The following PPM1L variants were observed in gnomAD, a reference collection of about 807,000 sequenced individuals.
PPM1L encodes the protein protein phosphatase 1L.
In PPM1L, 13 loss-of-function variants were observed where a neutral mutation model predicts 31.4. The observed-to-expected ratio is 0.41, with a 90% CI of 0.27 to 0.66. The LOEUF (loss-of-function observed/expected upper bound fraction) is 0.66, where lower values mean the gene tolerates loss of function less well. Ranked by LOEUF, PPM1L falls within the 30% of genes least tolerant of loss-of-function variation. The pLI is 0.29. For missense variants in PPM1L, 326 were observed against 453.7 expected, an observed-to-expected ratio of 0.72 and a Z score of 2.56; for synonymous variants, 184 against 175.4, an observed-to-expected ratio of 1.05 and a Z score of -0.39.
intron 1 of PPM1L, among the ~76,000 whole-genome samples, chr3:160,832,390 G>A (rs955212846): frequency 2.0e-5 from 3 of 151,630 alleles, no homozygotes; most frequent in Non-Finnish European, 4.4e-5. Flanking sequence ...CTGAGGACAG[G>A]CATGGAGCTG....
chr3:160,863,938 A>C (rs1407888418), intron 1 of PPM1L, among the ~76,000 whole-genome samples: 1 of 152,174 alleles, frequency 6.6e-6, no homozygotes, highest in African/African-American at 2.4e-5. Flanking sequence ...AGATGGAAAA[A>C]AACATCTAGA....
intron 1 of PPM1L, among the ~76,000 whole-genome samples, chr3:160,817,970 A>G (rs1183276905): frequency 6.6e-6 from 1 of 152,044 alleles, no homozygotes; most frequent in African/African-American, 2.4e-5. Flanking sequence ...ACCATGGAAT[A>G]CAGTCTATTC....
chr3:160,830,446 G>A (rs150182868), intron 1 of PPM1L, among the ~76,000 whole-genome samples: 142 of 152,278 alleles, frequency 9.3e-4, no homozygotes, highest in Admixed American at 2.4e-3. Context: ...TTAAAGCCGT[G>A]AAGGGAAGCC....
At chr3:161,044,949 A>G (rs1434579222) in intron 2 of PPM1L, among the ~76,000 whole-genome samples, 22 of 152,200 alleles carry the variant, frequency 1.4e-4, no homozygotes. Context: ...AATGGAAAAC[A>G]AAAAAAGGCA....
At chr3:160,836,892 A>T (rs1371890429) in intron 1 of PPM1L, among the ~76,000 whole-genome samples, 1 of 152,178 alleles carries the variant, frequency 6.6e-6, no homozygotes, top group East Asian at 1.9e-4. Flanking sequence ...GCAAAGTGGC[A>T]TTCTCCTTCC....
chr3:160,957,417 C>T (rs1426400511), intron 1 of PPM1L, among the ~76,000 whole-genome samples: 1 of 151,950 alleles, frequency 6.6e-6, no homozygotes, highest in Non-Finnish European at 1.5e-5. Flanking sequence ...GGGTATATAC[C>T]CAGTAATGGG....
intron 1 of PPM1L, among the ~76,000 whole-genome samples, chr3:160,848,981 C>T (rs754139704): frequency 6.6e-5 from 10 of 152,192 alleles, no homozygotes; most frequent in South Asian, 2.1e-4. Flanking sequence ...TTATCCAAAG[C>T]GATGGCCTTC....
chr3:160,977,549 A>G (rs923691752), intron 2 of PPM1L, among the ~76,000 whole-genome samples: 1 of 152,170 alleles, frequency 6.6e-6, no homozygotes, highest in African/African-American at 2.4e-5. Context: ...TCCTTACCTG[A>G]GTCACTCTGA....
chr3:160,994,909 C>G (rs1717257664), intron 2 of PPM1L, among the ~76,000 whole-genome samples: 1 of 152,086 alleles, frequency 6.6e-6, no homozygotes, highest in Non-Finnish European at 1.5e-5. Flanking sequence ...TGACCCTTTC[C>G]AAGATCTGCA....
chr3:161,035,001 A>G (rs1267937634), intron 2 of PPM1L, among the ~76,000 whole-genome samples: 9 of 151,130 alleles, frequency 6.0e-5, no homozygotes, highest in Non-Finnish European at 1.0e-4. Context: ...ACCAAACACC[A>G]CATGTTCTCA....
At chr3:161,044,384 A>ATTTT (rs1166105954) in intron 2 of PPM1L, among the ~76,000 whole-genome samples, 1 of 136,666 alleles carries the variant, frequency 7.3e-6, no homozygotes, top group Admixed American at 7.4e-5. Flanking sequence ...TTATTTATTT[A>ATTTT]TTTTTTAGTG....
intron 1 of PPM1L, among the ~76,000 whole-genome samples, chr3:160,891,620 C>T (rs113024926): frequency 4.6e-5 from 7 of 152,096 alleles, no homozygotes; most frequent in Non-Finnish European, 1.0e-4. Flanking sequence ...CCAGAAATAC[C>T]ATTTGACCCA....
At chr3:160,869,248 A>G (rs987161447) in intron 1 of PPM1L, among the ~76,000 whole-genome samples, 4 of 152,226 alleles carry the variant, frequency 2.6e-5, no homozygotes, top group African/African-American at 7.2e-5. Flanking sequence ...GCCTAAATTA[A>G]TAACTGGACT....
chr3:161,030,130 T>A (rs1262927921), intron 2 of PPM1L, among the ~76,000 whole-genome samples: 1 of 152,226 alleles, frequency 6.6e-6, no homozygotes, highest in Non-Finnish European at 1.5e-5. Flanking sequence ...GCAACTGCTA[T>A]GGTCTAAACA....
At chr3:160,980,719 AG>A (rs2108034092) in intron 2 of PPM1L, among the ~76,000 whole-genome samples, 1 of 150,050 alleles carries the variant, frequency 6.7e-6, no homozygotes, top group African/African-American at 2.4e-5. Context: ...AAAAAAAGAG[AG>A]AGAGAGAGAG....
At chr3:160,883,491 C>T (rs773344203) in intron 1 of PPM1L, among the ~76,000 whole-genome samples, 16 of 152,070 alleles carry the variant, frequency 1.1e-4, no homozygotes, top group Non-Finnish European at 2.1e-4. Flanking sequence ...CTACATCCTG[C>T]ATTACTATTG....
intron 2 of PPM1L, among the ~76,000 whole-genome samples, chr3:161,046,277 A>C (rs994862079): frequency 9.9e-5 from 15 of 152,152 alleles, no homozygotes; most frequent in Non-Finnish European, 1.9e-4. Context: ...ATCCCACAGA[A>C]ATACAAACTA....
rs1236117498 is a variant in PPM1L at position 160,773,337 on chromosome 3, C to T, written c.399+16630C>T. Among the ~76,000 whole-genome samples, 8 of 151,964 alleles carry T rather than the reference C, an allele frequency of 5.3e-5. No individual in the cohort carries two copies. The South Asian group carries it at 1.2e-3, about 24-fold the overall frequency. ...AACAGTTATCAAATTATGATTATCTCGTAAAATCTGACTTTTGTCCTTGCC... is the reference window on the plus strand; with the variant it reads ...AACAGTTATCAAATTATGATTATCTTGTAAAATCTGACTTTTGTCCTTGCC... On this transcript the variant is annotated intron_variant, in intron 1 of 3. Coordinates refer to ENST00000498165, the MANE Select transcript of PPM1L (RefSeq NM_139245.4).
intron 1 of PPM1L, among the ~76,000 whole-genome samples, chr3:160,811,132 T>C (rs995563318): frequency 6.6e-6 from 1 of 152,170 alleles, no homozygotes; most frequent in African/African-American, 2.4e-5. Flanking sequence ...ATGGAAATAG[T>C]GGAAACAAAT....
Sources: gnomAD v4.1 joint callset for allele counts (sites outside exome capture counted in the v4.1 genomes callset) on GRCh38, gnomAD v4.1.1 for gene constraint, MANE v1.5 for transcripts, NCBI Gene and HGNC (gene_info 2026-07-23, HGNC 2026-07-21) for gene names.